The following ADAMTSL1 variants were observed in gnomAD, a reference collection of about 807,000 sequenced individuals.
The protein encoded by ADAMTSL1 is ADAMTS like 1.
Under a neutral mutation model 201.8 loss-of-function variants are expected in ADAMTSL1, and 126 were observed. The ratio of observed to expected loss-of-function variants is 0.62; its 90% confidence interval spans 0.54 to 0.72. The LOEUF (loss-of-function observed/expected upper bound fraction) is 0.72. ADAMTSL1 is among the 30% of genes least tolerant of loss of function. The pLI is 0.00. For missense variants in ADAMTSL1, 2,679 were observed against 2,277.8 expected (o/e 1.18, Z -3.59); for synonymous variants, 1,121 against 903.4 (o/e 1.24, Z -4.32).
At chr9:17,973,751 T>A (rs1056922121) in intron 1 of ADAMTSL1, among the ~76,000 whole-genome samples, 9 of 143,192 alleles carry the variant, frequency 6.3e-5, no homozygotes, top group African/African-American at 2.3e-4. Flanking sequence ...TAAATTACCT[T>A]GGGCAGTATG....
chr9:18,877,592 T>A (rs182914104), intron 23 of ADAMTSL1, among the ~76,000 whole-genome samples: 8 of 152,248 alleles, frequency 5.3e-5, no homozygotes, highest in African/African-American at 1.9e-4. Context: ...TGTCTTCAGG[T>A]CTCTCAGCCA....
chr9:18,011,416 C>T (rs1260452699), intron 1 of ADAMTSL1, among the ~76,000 whole-genome samples: 1 of 151,914 alleles, frequency 6.6e-6, no homozygotes, highest in Admixed American at 6.6e-5. Flanking sequence ...GGTCTGTTTA[C>T]CCCCTGCAAG....
intron 1 of ADAMTSL1, among the ~76,000 whole-genome samples, chr9:18,076,957 C>T (rs1168699243): frequency 2.0e-5 from 3 of 152,096 alleles, no homozygotes; most frequent in Non-Finnish European, 2.9e-5. Flanking sequence ...CTTGGAATTA[C>T]ACGCTGTTAG....
chr9:17,913,101 G>A (rs4294283), intron 1 of ADAMTSL1, among the ~76,000 whole-genome samples: 139,671 of 151,842 alleles, frequency 0.92, 65,042 homozygotes, highest in East Asian at 1. Context: ...TACTGTAGCC[G>A]TGTAGTATAG....
intron 1 of ADAMTSL1, among the ~76,000 whole-genome samples, chr9:18,067,497 C>T (rs1037248444): frequency 1.3e-5 from 2 of 151,984 alleles, no homozygotes. Flanking sequence ...AATCATTGTG[C>T]TCTTACTGTG....
chr9:18,135,266 G>A (rs192372951), intron 1 of ADAMTSL1, among the ~76,000 whole-genome samples: 31 of 152,138 alleles, frequency 2.0e-4, no homozygotes, highest in Admixed American at 1.0e-3. Context: ...GGCTCCATAC[G>A]TACTATGCAT....
At chr9:18,702,319 A>G (rs964974099) in intron 13 of ADAMTSL1, among the ~76,000 whole-genome samples, 1 of 152,224 alleles carries the variant, frequency 6.6e-6, no homozygotes, top group African/African-American at 2.4e-5. Flanking sequence ...GCTAGCTAAT[A>G]TCTGTGGTGA....
chr9:18,646,161 G>A (rs1051677948), intron 7 of ADAMTSL1, among the ~76,000 whole-genome samples: 8 of 151,556 alleles, frequency 5.3e-5, no homozygotes, highest in Admixed American at 1.3e-4. Flanking sequence ...ATTGTGAATC[G>A]GAGTTCACTC....
chr9:18,126,074 T>C (rs758888946), intron 1 of ADAMTSL1, among the ~76,000 whole-genome samples: 5 of 152,218 alleles, frequency 3.3e-5, no homozygotes, highest in Non-Finnish European at 7.3e-5. Context: ...ATCACTCACA[T>C]TCAGAATGAG....
chr9:18,675,059 G>A (rs1356982020), intron 9 of ADAMTSL1, among the ~76,000 whole-genome samples: 1 of 152,128 alleles, frequency 6.6e-6, no homozygotes, highest in Non-Finnish European at 1.5e-5. Context: ...GATATATCTT[G>A]TGGATCCTGA....
chr9:17,959,372 C>A (rs1237554561), intron 1 of ADAMTSL1, among the ~76,000 whole-genome samples: 1 of 152,104 alleles, frequency 6.6e-6, no homozygotes, highest in Non-Finnish European at 1.5e-5. Context: ...ATAGATGATA[C>A]CCTCCTTCCT....
intron 2 of ADAMTSL1, among the ~76,000 whole-genome samples, chr9:18,467,397 T>A (rs1032802355): frequency 3.4e-4 from 52 of 152,130 alleles, no homozygotes; most frequent in African/African-American, 1.2e-3. Context: ...ATGAAAATGA[T>A]CAGTAACTCT....
chr9:18,421,626 T>C (rs1274943214), intron 2 of ADAMTSL1, among the ~76,000 whole-genome samples: 2 of 152,234 alleles, frequency 1.3e-5, no homozygotes, highest in East Asian at 1.9e-4. Context: ...CTGTCAAAGA[T>C]ACCAGCAGTA....
At chr9:18,890,875 C>T in intron 25 of ADAMTSL1, 1 of 286,376 alleles carries the variant, frequency 3.5e-6, no homozygotes, top group Admixed American at 4.8e-5. Context: ...TTTGATGTGC[C>T]AGGAACTTTC....
At chr9:18,051,844 A>C (rs1027629345) in intron 1 of ADAMTSL1, among the ~76,000 whole-genome samples, 2 of 152,198 alleles carry the variant, frequency 1.3e-5, no homozygotes, top group Admixed American at 1.3e-4. Flanking sequence ...GAGTAGACAA[A>C]AAAAAGTAGG....
intron 2 of ADAMTSL1, among the ~76,000 whole-genome samples, chr9:18,240,778 G>C (rs1246500290): frequency 2.0e-5 from 3 of 152,174 alleles, no homozygotes; most frequent in African/African-American, 7.2e-5. Flanking sequence ...CTTCATCAGT[G>C]ATCTTAGTTA....
At chr9:18,013,072 A>AATTATTTATGGTATTATTATTT (rs1820121653) in intron 1 of ADAMTSL1, among the ~76,000 whole-genome samples, 1 of 151,858 alleles carries the variant, frequency 6.6e-6, no homozygotes, top group Non-Finnish European at 1.5e-5. Context: ...TAAGTATCAT[A>AATTATTTATGGTATTATTATTT]AGGGTATTAT....
chr9:18,491,810 A>G (rs73421013), intron 1 of ADAMTSL1, among the ~76,000 whole-genome samples: 5,715 of 152,240 alleles, frequency 0.038, 354 homozygotes, highest in African/African-American at 0.13. Context: ...CACCATTATT[A>G]TTTCCCATTT....
intron 1 of ADAMTSL1, among the ~76,000 whole-genome samples, chr9:18,155,633 T>G (rs1292104604): frequency 6.6e-6 from 1 of 152,060 alleles, no homozygotes; most frequent in Admixed American, 6.6e-5. Context: ...TCTTCTTCCA[T>G]GTGGCCTAGA....
Sources: allele counts gnomAD v4.1 joint callset (sites outside exome capture counted in the v4.1 genomes callset), GRCh38; gene constraint gnomAD v4.1.1; transcripts MANE v1.5; gene names NCBI Gene and HGNC (gene_info 2026-07-23, HGNC 2026-07-21).